The following SAMTOR variants were observed in gnomAD, a reference collection of about 807,000 sequenced individuals.
The protein encoded by SAMTOR is UPF0532 protein C7orf60.
At chr7:112,918,246 C>G in the SAMTOR span, among the ~76,000 whole-genome samples, 3 of 152,210 alleles carry the variant, frequency 2.0e-5, no homozygotes, top group African/African-American at 7.2e-5. Context: ...AACAGCGGAT[C>G]TCTCGGCAGA....
the SAMTOR span, among the ~76,000 whole-genome samples, chr7:112,862,959 A>T: frequency 6.6e-6 from 1 of 151,800 alleles, no homozygotes; most frequent in Non-Finnish European, 1.5e-5. Flanking sequence ...GAATTCTCTA[A>T]CCCTTTCTTA....
At chr7:112,871,495 C>T in the SAMTOR span, among the ~76,000 whole-genome samples, 4 of 151,914 alleles carry the variant, frequency 2.6e-5, no homozygotes, top group East Asian at 7.7e-4. Context: ...CACAACATAC[C>T]AAAACCTCTA....
At chr7:112,857,068 G>A in the SAMTOR span, among the ~76,000 whole-genome samples, 1 of 138,306 alleles carries the variant, frequency 7.2e-6, no homozygotes, top group East Asian at 2.2e-4. Flanking sequence ...GCAGTAAAAT[G>A]TTCTTTTAAT....
At chr7:112,864,581 G>A in the SAMTOR span, among the ~76,000 whole-genome samples, 5 of 152,148 alleles carry the variant, frequency 3.3e-5, no homozygotes, top group South Asian at 1.0e-3. Context: ...GAGTGACTGA[G>A]TACTTCACTC....
chr7:112,893,706 G>T, the SAMTOR span, among the ~76,000 whole-genome samples: 1 of 152,082 alleles, frequency 6.6e-6, no homozygotes, highest in South Asian at 2.1e-4. Context: ...GATCCAGACC[G>T]TCCTGGCCAA....
At chr7:112,929,221 A>C in the SAMTOR span, among the ~76,000 whole-genome samples, 1 of 149,484 alleles carries the variant, frequency 6.7e-6, no homozygotes, top group African/African-American at 2.5e-5. Flanking sequence ...AGATATATAA[A>C]AAAAACCTCA....
the SAMTOR span, among the ~76,000 whole-genome samples, chr7:112,874,449 T>A: frequency 6.6e-6 from 1 of 152,004 alleles, no homozygotes; most frequent in Non-Finnish European, 1.5e-5. Flanking sequence ...ACTGGGTACA[T>A]AGGGACATAA....
At chr7:112,897,501 C>T in the SAMTOR span, among the ~76,000 whole-genome samples, 7,565 of 152,088 alleles carry the variant, frequency 0.05, 620 homozygotes, top group African/African-American at 0.17. Flanking sequence ...ACTTAAAGGG[C>T]TAAAATTCTA....
chr7:112,871,945 G>T, the SAMTOR span, among the ~76,000 whole-genome samples: 3,519 of 152,240 alleles, frequency 0.023, 134 homozygotes, highest in African/African-American at 0.079. Context: ...AAATTGGGAA[G>T]AAATTGAAAC....
chr7:112,928,153 A>C, the SAMTOR span, among the ~76,000 whole-genome samples: 1 of 152,090 alleles, frequency 6.6e-6, no homozygotes, highest in Non-Finnish European at 1.5e-5. Context: ...AAAAACAAGT[A>C]CAAGGAAATG....
the SAMTOR span, chr7:112,939,539 G>C: frequency 1.2e-6 from 2 of 1,612,658 alleles, no homozygotes; most frequent in South Asian, 2.2e-5. Context: ...GGTGACAAGC[G>C]GTTGGGGGTG....
the SAMTOR span, among the ~76,000 whole-genome samples, chr7:112,856,631 CA>C: frequency 1.2e-4 from 19 of 152,092 alleles, no homozygotes; most frequent in African/African-American, 4.6e-4. Flanking sequence ...AAGTTGCATT[CA>C]AAATTAACAA....
At chr7:112,879,983 T>G in the SAMTOR span, among the ~76,000 whole-genome samples, 1 of 152,188 alleles carries the variant, frequency 6.6e-6, no homozygotes, top group African/African-American at 2.4e-5. Flanking sequence ...CTTTACTAGT[T>G]AGGGACATAA....
chr7:112,823,339 G>A, the SAMTOR span, among the ~76,000 whole-genome samples: 2 of 152,114 alleles, frequency 1.3e-5, no homozygotes, highest in African/African-American at 2.4e-5. Context: ...TGGCATGGTC[G>A]AATTAATGAA....
chr7:112,885,681 A>C, the SAMTOR span, among the ~76,000 whole-genome samples: 2 of 152,138 alleles, frequency 1.3e-5, no homozygotes, highest in Admixed American at 6.5e-5. Context: ...GGAAGTTCCA[A>C]ACTTTCCCAC....
At chr7:112,930,423 T>C in the SAMTOR span, among the ~76,000 whole-genome samples, 1 of 151,624 alleles carries the variant, frequency 6.6e-6, no homozygotes, top group African/African-American at 2.4e-5. Context: ...ATGTTATGAA[T>C]AGTCATTTCT....
chr7:112,917,181 A>G, the SAMTOR span, among the ~76,000 whole-genome samples: 23 of 152,360 alleles, frequency 1.5e-4, no homozygotes, highest in African/African-American at 5.5e-4. Context: ...ACCCCCGAGC[A>G]GCCTACCTGG....
At chr7:112,921,234 G>A in the SAMTOR span, among the ~76,000 whole-genome samples, 2 of 152,132 alleles carry the variant, frequency 1.3e-5, no homozygotes, top group Non-Finnish European at 2.9e-5. Flanking sequence ...GCATGGTAAT[G>A]GTACCAAAAC....
At chr7:112,938,100 T>C in the SAMTOR span, among the ~76,000 whole-genome samples, 1 of 152,300 alleles carries the variant, frequency 6.6e-6, no homozygotes, top group Non-Finnish European at 1.5e-5. Flanking sequence ...GTCCATTTAT[T>C]TCCTAATCTC....
Sources: allele counts gnomAD v4.1 joint callset (sites outside exome capture counted in the v4.1 genomes callset), GRCh38; gene constraint gnomAD v4.1.1; transcripts MANE v1.5; gene names NCBI Gene and HGNC (gene_info 2026-07-23, HGNC 2026-07-21).